HMCN2: variants seen among roughly 807,000 people sequenced by gnomAD.
HMCN2 encodes hemicentin-2.
In HMCN2, 325 loss-of-function variants were observed where a neutral mutation model predicts 377.5. That is an observed-to-expected ratio of 0.86 (90% CI 0.79 to 0.94). The LOEUF is 0.94. Among genes scored for constraint, HMCN2 ranks in the 40% least tolerant of loss-of-function variants. HMCN2 has a pLI of 0.00. For missense variants in HMCN2, 4,543 were observed against 4,725.3 expected (o/e 0.96, Z 1.13); for synonymous variants, 2,007 against 2,046.8 (o/e 0.98, Z 0.53).
At chr9:130,387,439 T>C (rs557231495) in intron 61 of HMCN2, among the ~76,000 whole-genome samples, 1 of 152,318 alleles carries the variant, frequency 6.6e-6, no homozygotes, top group African/African-American at 2.4e-5. Context: ...GTGTTGTTCT[T>C]GTGCATATGG....
In HMCN2 at chr9:130,376,543, C is replaced by G. The variant is rs1338428529; in HGVS notation, c.7946C>G (p.Pro2649Arg). ...LIPPSISKDD[P>R]LAEVGVKEVK... Reference sequence around the variant, plus strand: ...CCCCCTTCCATCTCCAAAGACGACCCCTTGGCGGAGGTCGGCGTGAAGGAG... The same window carrying G: ...CCCCCTTCCATCTCCAAAGACGACCGCTTGGCGGAGGTCGGCGTGAAGGAG... The change falls in exon 52 of 98, where the codon CCC (proline) becomes CGC (arginine). Residue 2649 changes from proline to arginine, a missense_variant. By Grantham distance (103) the Pro-to-Arg change is moderately radical. Transcript: ENST00000683500. 3.0e-6 allele frequency: 3 copies of G among 985,828 alleles called. No individual in the cohort carries two copies. The highest frequency in any genetic ancestry group is 3.6e-6 in the Non-Finnish European group (3 of 830,038). 61.1% of individuals were successfully genotyped at this position (985,828 alleles called of 1,614,324 possible).
chr9:130,272,485 C>T (rs1452194387), intron 1 of HMCN2, among the ~76,000 whole-genome samples: 1 of 124,412 alleles, frequency 8.0e-6, no homozygotes, highest in Non-Finnish European at 2.0e-5. Flanking sequence ...AAAGGATCCT[C>T]CTGCCTTGGC....
intron 4 of HMCN2, among the ~76,000 whole-genome samples, chr9:130,290,683 C>G (rs546849711): frequency 6.6e-6 from 1 of 152,294 alleles, no homozygotes; most frequent in African/African-American, 2.4e-5. Flanking sequence ...GTCCTCATTC[C>G]TTGGCTAAGA....
In HMCN2 at chr9:130,313,600, A is replaced by ACCCC. The variant is rs878874680; in HGVS notation, c.2350+3545_2350+3548dup. ...CGTGGAATAAATAATGCATGTGGGC[A>ACCCC]CCCCCCCCCATAAACCTGTGTCCAG... On this transcript the variant is annotated intron_variant, in intron 15 of 97. Coordinates refer to ENST00000683500, the MANE Select transcript of HMCN2 (RefSeq NM_001291815.2). 5.4e-3 allele frequency among the ~76,000 whole-genome samples: 807 copies of ACCCC among 148,390 alleles called. 2 individuals carry two copies. The highest frequency in any genetic ancestry group is 6.9e-3 in the Middle Eastern group (2 of 288).
chr9:130,329,039 C>T (rs1335834992), intron 22 of HMCN2, among the ~76,000 whole-genome samples: 1 of 152,164 alleles, frequency 6.6e-6, no homozygotes, highest in African/African-American at 2.4e-5. Flanking sequence ...ATTTAAAGGA[C>T]ACAGTTCAGT....
intron 22 of HMCN2, among the ~76,000 whole-genome samples, chr9:130,328,919 G>A (rs1838284193): frequency 6.6e-6 from 1 of 152,172 alleles, no homozygotes; most frequent in African/African-American, 2.4e-5. Context: ...ATCCTCTCCA[G>A]CTTTTACACA....
chr9:130,307,999 C>T (rs1554937475), intron 14 of HMCN2, among the ~76,000 whole-genome samples: 1 of 152,118 alleles, frequency 6.6e-6, no homozygotes, highest in Non-Finnish European at 1.5e-5. Context: ...CTTTGTCACC[C>T]AGGCTGGTGT....
At chr9:130,391,638 T>C (rs1019400814) in intron 65 of HMCN2, 64 bp downstream of exon 65, 7 of 985,058 alleles carry the variant, frequency 7.1e-6, no homozygotes, top group Admixed American at 6.1e-5. Flanking sequence ...TAAGGCGACA[T>C]GTGAGCAAAG....
chr9:130,343,953 G>C (rs1839199233), intron 25 of HMCN2, among the ~76,000 whole-genome samples: 1 of 152,208 alleles, frequency 6.6e-6, no homozygotes, highest in African/African-American at 2.4e-5. Context: ...TGAAGGCCCA[G>C]AGCCTGGACA....
chr9:130,368,350 G>T lies in HMCN2; in HGVS notation c.6700G>T (p.Ala2234Ser). ...AVGRLLYLGQ[A>S]QLAQEGTYTC... The stretch of plus-strand genomic sequence containing the variant: ...GGGGAGGCTGTTGTACCTGGGACAG[G>T]CCCAGCTGGCTCAGGAAGGAACATA... Residue 2234 changes from alanine to serine, a missense_variant, in exon 44 of 98, where the codon GCC becomes TCC. Physicochemically the swap from Ala to Ser is moderately conservative, Grantham distance 99. Transcript: ENST00000683500. The T allele has an allele frequency of 1.0e-6, 1 of 985,810 alleles. No homozygotes were observed. Among genetic ancestry groups the T allele is most frequent in the Non-Finnish European group, 1.2e-6 (1 of 829,970 alleles). 61.1% of individuals were successfully genotyped at this position (985,810 alleles called of 1,614,324 possible). A position where few individuals can be genotyped will look rare whatever the true frequency, so the allele number is the denominator to read the frequency against.
chr9:130,355,550 A>G (rs1349902583), intron 32 of HMCN2, among the ~76,000 whole-genome samples, 196 bp from the exon 33 acceptor site: 1 of 152,150 alleles, frequency 6.6e-6, no homozygotes, highest in East Asian at 1.9e-4. Context: ...ATTAGGCCCA[A>G]GCCTTTGGGG....
Position 130,364,890 on chromosome 9 carries a change from G to T in HMCN2, c.6408+1G>T, listed in dbSNP as rs1452561874. 1.0e-6 allele frequency: 1 copy of T among 985,866 alleles called. No individual in the cohort carries two copies. Among genetic ancestry groups the T allele is most frequent in the African/African-American group, 1.7e-5 (1 of 57,374 alleles). 61.1% of individuals were successfully genotyped at this position (985,866 alleles called of 1,614,324 possible). A position where few individuals can be genotyped will look rare whatever the true frequency, so the allele number is the denominator to read the frequency against. On this transcript the variant is annotated splice_donor_variant, in intron 41 of 97. Coordinates refer to ENST00000683500, the MANE Select transcript of HMCN2 (RefSeq NM_001291815.2). LOFTEE classifies it high-confidence loss of function. ...CTCCGCAGACAAAGCCTTGCTGCAG[G>T]TGTGCAGGCCCCTGGCCAGCCAAGC...
chr9:130,432,524 C>T lies in HMCN2; in HGVS notation c.14863C>T (p.Pro4955Ser). 1.3e-6 allele frequency: 2 copies of T among 1,550,658 alleles called. No individual in the cohort carries two copies. Among genetic ancestry groups the T allele is most frequent in the African/African-American group, 1.4e-5 (1 of 73,184 alleles). The change falls in exon 97 of 98, where the codon CCT becomes TCT. Residue 4955 changes from proline (P) to serine (S), a missense_variant. Transcript: ENST00000683500. ...GSYQCVDTPC[P>S]ATYRQGPSPG... ...CTACCAGTGTGTGGACACACCCTGT[C>T]CTGCCACCTACCGGCAGGGCCCCAG... is the stretch of plus-strand genomic sequence containing the variant.
At chr9:130,409,882 T>A (rs980638782) in intron 84 of HMCN2, among the ~76,000 whole-genome samples, 4 of 152,068 alleles carry the variant, frequency 2.6e-5, no homozygotes, top group African/African-American at 9.7e-5. Flanking sequence ...CCAGATACCA[T>A]CTTCTGGGAG....
chr9:130,381,692 A>C (rs571488863), intron 54 of HMCN2, among the ~76,000 whole-genome samples: 1 of 151,916 alleles, frequency 6.6e-6, no homozygotes, highest in Non-Finnish European at 1.5e-5. Flanking sequence ...CTGGCTTTTG[A>C]TCACAGAGGG....
At chr9:130,364,285 C>G (rs929602746) in intron 40 of HMCN2, among the ~76,000 whole-genome samples, 1 of 152,224 alleles carries the variant, frequency 6.6e-6, no homozygotes, top group African/African-American at 2.4e-5. Flanking sequence ...CAGGATTCCA[C>G]CCCATGAGTT....
chr9:130,271,662 G>A (rs1258695519), intron 1 of HMCN2, among the ~76,000 whole-genome samples: 1 of 148,550 alleles, frequency 6.7e-6, no homozygotes, highest in African/African-American at 2.4e-5. Context: ...CTCATCTTAG[G>A]TATTTCCTGC....
chr9:130,402,928 C>T, intron 78 of HMCN2, 32 bp downstream of exon 78: 4 of 1,280,772 alleles, frequency 3.1e-6, no homozygotes, highest in Non-Finnish European at 4.1e-6. Context: ...CCCAGAGTTC[C>T]TAGGGCCAGG....
chr9:130,428,579 G>T lies in HMCN2; in HGVS notation c.14197+90G>T. ...CTGACAGGGGGCTGTGTGTCACTGGGCTCTGGGCTTCCAGGAAGACTGGGA... is the reference window on the plus strand; with the variant it reads ...CTGACAGGGGGCTGTGTGTCACTGGTCTCTGGGCTTCCAGGAAGACTGGGA... On this transcript the variant is annotated intron_variant, in intron 93 of 97. Transcript: ENST00000683500. This position sits in a 1 kb window ranked among gnomAD's most constrained non-coding sequence, Gnocchi z 5.0. The T allele has an allele frequency of 6.8e-7, 1 of 1,470,332 alleles. No homozygotes were observed. 91.1% of individuals were successfully genotyped at this position (1,470,332 alleles called of 1,614,324 possible).
Sources: gnomAD v4.1 joint callset for allele counts (sites outside exome capture counted in the v4.1 genomes callset) on GRCh38, gnomAD v4.1.1 for gene constraint, Gnocchi (gnomAD v3.1) non-coding constraint, MANE v1.5 for transcripts, NCBI Gene and HGNC (gene_info 2026-07-23, HGNC 2026-07-21) for gene names.